Variants in IGF1R observed in about 807,000 individuals in gnomAD.
IGF1R encodes insulin like growth factor 1 receptor.
In IGF1R, 44 loss-of-function variants were observed where a neutral mutation model predicts 144.6. The ratio of observed to expected loss-of-function variants is 0.30; its 90% CI spans 0.24 to 0.39. The LOEUF (loss-of-function observed/expected upper bound fraction) is 0.39. Ranked by LOEUF, IGF1R falls within the 10% of genes least tolerant of loss-of-function variation. The pLI is 1.00. For synonymous variants in IGF1R, 795 were observed against 722.8 expected (o/e 1.10, Z -1.60); for missense variants, 1,355 against 1,833.7 (o/e 0.74, Z 4.77).
chr15:98,848,809 A>G (rs955043868), intron 2 of IGF1R, among the ~76,000 whole-genome samples: 1 of 152,200 alleles, frequency 6.6e-6, no homozygotes, highest in Admixed American at 6.5e-5. Context: ...TCATCATACA[A>G]CTGTACAATA....
At position 98,894,259 on chromosome 15, in the gene IGF1R, TGAAAGATGGAGA is replaced by T. The variant is rs540681333; in HGVS notation, c.954-2493_954-2482del. ...CCAGCTTCAGATTTTTCTATTTGAG[TGAAAGATGGAGA>T]GAAACTAAACATACACTTATGGTAC... On this transcript the variant is annotated intron_variant, in intron 3 of 20. Coordinates refer to ENST00000650285, the MANE Select transcript of IGF1R (RefSeq NM_000875.5). 7.8e-3 allele frequency among the ~76,000 whole-genome samples: 1,183 copies of T among 152,174 alleles called. 15 individuals carry two copies. The highest frequency in any genetic ancestry group is 0.027 in the African/African-American group (1,116 of 41,494).
chr15:98,908,658 C>G, intron 5 of IGF1R, 27 bp from the exon 6 acceptor site: 1 of 1,594,468 alleles, frequency 6.3e-7, no homozygotes, highest in Non-Finnish European at 8.6e-7. Context: ...AGGGCAGGTG[C>G]GCTAACATCG....
intron 2 of IGF1R, among the ~76,000 whole-genome samples, chr15:98,729,953 A>T (rs1211130563): frequency 1.3e-5 from 2 of 152,212 alleles, no homozygotes; most frequent in African/African-American, 4.8e-5. Context: ...TGTAATTAAA[A>T]AGTTATGGGA....
At chr15:98,801,945 T>C (rs1412743362) in intron 2 of IGF1R, among the ~76,000 whole-genome samples, 1 of 152,214 alleles carries the variant, frequency 6.6e-6, no homozygotes, top group African/African-American at 2.4e-5. Context: ...GTAATGACCC[T>C]GATGCCCCAT....
intron 5 of IGF1R, among the ~76,000 whole-genome samples, chr15:98,905,537 A>G (rs2014690893): frequency 6.6e-6 from 1 of 151,732 alleles, no homozygotes; most frequent in Non-Finnish European, 1.5e-5. Flanking sequence ...GGTGGGGCAT[A>G]CCTATGGTCC....
At chr15:98,666,482 C>T (rs1009833440) in intron 1 of IGF1R, among the ~76,000 whole-genome samples, 2 of 152,146 alleles carry the variant, frequency 1.3e-5, no homozygotes, top group South Asian at 4.1e-4. Flanking sequence ...GAAAGCAACT[C>T]AAGGGTCCAT....
chr15:98,823,918 GA>G (rs1226857766), intron 2 of IGF1R, among the ~76,000 whole-genome samples: 8 of 152,126 alleles, frequency 5.3e-5, no homozygotes, highest in African/African-American at 1.7e-4. Context: ...GAAAGAGGGG[GA>G]AAAAAAGACT....
At chr15:98,793,786 T>TAAA (rs1316301389) in intron 2 of IGF1R, among the ~76,000 whole-genome samples, 1 of 152,210 alleles carries the variant, frequency 6.6e-6, no homozygotes, top group African/African-American at 2.4e-5. Flanking sequence ...AAGACTTTAT[T>TAAA]AAGACCCTTT....
chr15:98,761,230 G>T (rs1212338422), intron 2 of IGF1R, among the ~76,000 whole-genome samples: 3 of 152,218 alleles, frequency 2.0e-5, no homozygotes, highest in African/African-American at 7.2e-5. Context: ...TTGTTGGCTG[G>T]CGTTGTCTCT....
chr15:98,650,360 C>T (rs1004571979), intron 1 of IGF1R, among the ~76,000 whole-genome samples: 6 of 152,178 alleles, frequency 3.9e-5, no homozygotes, highest in African/African-American at 1.4e-4. Context: ...CCCCCGGCGT[C>T]CCGGGGCTGG....
chr15:98,869,993 C>T (rs1050437157), intron 2 of IGF1R, among the ~76,000 whole-genome samples: 5 of 151,462 alleles, frequency 3.3e-5, no homozygotes, highest in Non-Finnish European at 5.9e-5. Context: ...TGAGCATGGC[C>T]CTGGGAACAC....
chr15:98,852,750 T>TC (rs1403251844), intron 2 of IGF1R, among the ~76,000 whole-genome samples: 2 of 152,124 alleles, frequency 1.3e-5, no homozygotes, highest in Admixed American at 6.5e-5. Context: ...TAAACACGTT[T>TC]CCCTCCATGT....
At chr15:98,933,847 C>G (rs1270658829) in intron 15 of IGF1R, among the ~76,000 whole-genome samples, 1 of 152,150 alleles carries the variant, frequency 6.6e-6, no homozygotes, top group Non-Finnish European at 1.5e-5. Context: ...CCCTCAGTCT[C>G]AGAGCTCAGT....
chr15:98,674,938 T>TA (rs1223551824), intron 1 of IGF1R, among the ~76,000 whole-genome samples: 9 of 151,242 alleles, frequency 6.0e-5, no homozygotes, highest in Non-Finnish European at 1.0e-4. Context: ...TTATTAAAAT[T>TA]AAAATTATTC....
chr15:98,753,509 A>G (rs1038221512), intron 2 of IGF1R, among the ~76,000 whole-genome samples: 6 of 151,110 alleles, frequency 4.0e-5, no homozygotes, highest in African/African-American at 1.2e-4. Flanking sequence ...CTAGGATTAC[A>G]GATGTGAGCC....
chr15:98,840,665 GTT>G (rs1168783221), intron 2 of IGF1R, among the ~76,000 whole-genome samples: 1 of 142,962 alleles, frequency 7.0e-6, no homozygotes, highest in East Asian at 2.1e-4. Context: ...CGGGGTTTTT[GTT>G]TTTTGTTTTG....
chr15:98,813,555 C>A (rs568393690), intron 2 of IGF1R, among the ~76,000 whole-genome samples: 1 of 152,226 alleles, frequency 6.6e-6, no homozygotes, highest in South Asian at 2.1e-4. Context: ...GGTTCTTCTC[C>A]GTGTGGCCCC....
chr15:98,908,580 G>T, intron 5 of IGF1R, 105 bp from the exon 6 acceptor site: 2 of 770,768 alleles, frequency 2.6e-6, no homozygotes, highest in Admixed American at 4.0e-5. Context: ...CAAAGGAAAT[G>T]TATTGTGGAG....
rs1733451563 is a variant in IGF1R at position 98,961,480 on chromosome 15, G to A, written c.*4038G>A. ...ACCCACCCACCTTGACTATACCAAG[G>A]CATCATCTATCCACAGTTCTAGCCT... On this transcript the variant is annotated 3_prime_UTR_variant, in exon 21 of 21. Transcript: ENST00000650285. The A allele has an allele frequency of 4.3e-6, 1 of 233,444 alleles. No homozygotes were observed. Among genetic ancestry groups the A allele is most frequent in the Non-Finnish European group, 8.5e-6 (1 of 118,028 alleles). 14.5% of individuals were successfully genotyped at this position (233,444 alleles called of 1,614,324 possible). A position where few individuals can be genotyped will look rare whatever the true frequency, so the allele number is the denominator to read the frequency against.
Sources: gnomAD v4.1 joint callset for allele counts (sites outside exome capture counted in the v4.1 genomes callset) on GRCh38, gnomAD v4.1.1 for gene constraint, MANE v1.5 for transcripts, NCBI Gene and HGNC (gene_info 2026-07-23, HGNC 2026-07-21) for gene names.